SLC25A48: variants seen among roughly 807,000 people sequenced by gnomAD.
SLC25A48 encodes CTC-321K16.1.
In SLC25A48, 29 loss-of-function variants were observed where a neutral mutation model predicts 32.2. The ratio of observed to expected loss-of-function variants is 0.90; its 90% CI spans 0.67 to 1.23. The LOEUF is 1.23. Ranked by LOEUF, SLC25A48 falls within the 50% of genes most tolerant of loss-of-function variation. SLC25A48 has a pLI of 0.00. For missense variants in SLC25A48, 399 were observed against 422.7 expected (o/e 0.94, Z 0.49); for synonymous variants, 164 against 172.3 (o/e 0.95, Z 0.38).
At position 135,778,350 on chromosome 5, in the gene SLC25A48, A is replaced by G. The variant is rs73789157; in HGVS notation, c.-520-34173A>G. Reference sequence around the variant, plus strand: ...GGGAGAAGGTGATATTACTCCCAATATCGCAGAAGATGTACACCCCCGATG... The same window carrying G: ...GGGAGAAGGTGATATTACTCCCAATGTCGCAGAAGATGTACACCCCCGATG... On this transcript the variant is annotated intron_variant, in intron 3 of 10. Transcript: ENST00000646290. Among the ~76,000 whole-genome samples the G allele has an allele frequency of 9.7e-3, 1,470 of 151,348 alleles. 32 individuals are homozygous for G. The highest frequency in any genetic ancestry group is 0.034 in the African/African-American group (1,386 of 41,264).
At position 135,746,533 on chromosome 5, in the gene SLC25A48, C is replaced by T. The variant is rs531452161; in HGVS notation, c.-520-65990C>T. Among the ~76,000 whole-genome samples the T allele has an allele frequency of 6.6e-5, 10 of 152,288 alleles. No homozygotes were observed. In the South Asian group the frequency reaches 1.5e-3, roughly 22 times the overall value. On this transcript the variant is annotated intron_variant, in intron 3 of 10. Coordinates refer to the SLC25A48 transcript ENST00000646290. The stretch of plus-strand genomic sequence containing the variant: ...GCCTTGCAGGTACAATCCGATTCTC[C>T]GGTGCAAAATAAGTCTCCAAAAGAG...
intron 3 of SLC25A48, among the ~76,000 whole-genome samples, chr5:135,770,666 G>A (rs140387048): frequency 6.6e-6 from 1 of 151,046 alleles, no homozygotes; most frequent in Non-Finnish European, 1.5e-5. Flanking sequence ...ACCCCCTCGC[G>A]ATATTGTTTC....
At chr5:135,676,414 T>G (rs1226956858) in intron 3 of SLC25A48, among the ~76,000 whole-genome samples, 2 of 151,926 alleles carry the variant, frequency 1.3e-5, no homozygotes, top group African/African-American at 4.8e-5. Context: ...CAATTTTGTC[T>G]TTTCAAAAAA....
At chr5:135,887,478 A>C (rs939222416) in intron 7 of SLC25A48, among the ~76,000 whole-genome samples, 1 of 151,142 alleles carries the variant, frequency 6.6e-6, no homozygotes. Context: ...GTGTACATAT[A>C]CACACACACA....
intron 3 of SLC25A48, among the ~76,000 whole-genome samples, chr5:135,771,223 G>T (rs562547336): frequency 1.3e-4 from 20 of 151,372 alleles, no homozygotes; most frequent in Admixed American, 2.6e-4. Flanking sequence ...GGGGGAGAAG[G>T]TGATATTACT....
chr5:135,732,932 C>T (rs1755264919), intron 3 of SLC25A48, among the ~76,000 whole-genome samples: 1 of 152,160 alleles, frequency 6.6e-6, no homozygotes, highest in Non-Finnish European at 1.5e-5. Context: ...ATGGCTCTTG[C>T]AGTGAATGAC....
chr5:135,858,692 G>A (rs1214602791), intron 4 of SLC25A48, among the ~76,000 whole-genome samples: 2 of 152,232 alleles, frequency 1.3e-5, no homozygotes, highest in Non-Finnish European at 2.9e-5. Context: ...TGTAGAAGCT[G>A]AGGTTATGAC....
At chr5:135,684,059 A>G (rs1474761167) in intron 3 of SLC25A48, among the ~76,000 whole-genome samples, 1 of 152,160 alleles carries the variant, frequency 6.6e-6, no homozygotes, top group Non-Finnish European at 1.5e-5. Context: ...TTCCACCTTC[A>G]CTTTTTAAAG....
chr5:135,743,128 C>T (rs1208082566), intron 3 of SLC25A48, among the ~76,000 whole-genome samples: 1 of 112,824 alleles, frequency 8.9e-6, no homozygotes, highest in East Asian at 2.9e-4. Flanking sequence ...GGCTGGAGTA[C>T]AGTGGCATGA....
intron 3 of SLC25A48, among the ~76,000 whole-genome samples, chr5:135,723,997 T>C (rs1251440188): frequency 6.6e-6 from 1 of 152,212 alleles, no homozygotes; most frequent in African/African-American, 2.4e-5. Flanking sequence ...TCTCTACTTA[T>C]TTAAATAAGT....
chr5:135,698,863 AC>A (rs1286293487), intron 3 of SLC25A48, among the ~76,000 whole-genome samples: 5 of 152,240 alleles, frequency 3.3e-5, no homozygotes, highest in Admixed American at 6.5e-5. Flanking sequence ...AAAAGGACAA[AC>A]AAGTTAATTT....
chr5:135,861,559 G>A (rs1031193598), intron 4 of SLC25A48, among the ~76,000 whole-genome samples: 8 of 152,084 alleles, frequency 5.3e-5, no homozygotes, highest in Non-Finnish European at 1.0e-4. Flanking sequence ...CACAATGTCT[G>A]GCATATAGAA....
At chr5:135,659,719 G>A (rs1005645341) in intron 3 of SLC25A48, among the ~76,000 whole-genome samples, 8 of 152,232 alleles carry the variant, frequency 5.3e-5, no homozygotes, top group Admixed American at 2.6e-4. Context: ...CAGGAAGCAT[G>A]CCTGGGGAAG....
chr5:135,736,571 C>T (rs569370384), intron 3 of SLC25A48, among the ~76,000 whole-genome samples: 3 of 151,672 alleles, frequency 2.0e-5, no homozygotes, highest in South Asian at 2.1e-4. Flanking sequence ...CTAAGAAAAG[C>T]GGAAAAGGGG....
At chr5:135,749,986 C>CT (rs1755732044) in intron 3 of SLC25A48, among the ~76,000 whole-genome samples, 1 of 152,274 alleles carries the variant, frequency 6.6e-6, no homozygotes, top group South Asian at 2.1e-4. Context: ...AGCTGATAGC[C>CT]CTGACACCAT....
intron 2 of SLC25A48, chr5:135,634,683 G>A (rs31260): frequency 0.27 from 41,587 of 152,114 alleles, 6,229 homozygotes; most frequent in East Asian, 0.62. Context: ...TGGAGGAGAG[G>A]AGCTTGTTTG....
chr5:135,758,037 T>C (rs965305317), intron 3 of SLC25A48, among the ~76,000 whole-genome samples: 2 of 150,652 alleles, frequency 1.3e-5, no homozygotes, highest in African/African-American at 4.8e-5. Context: ...ATGATATTTA[T>C]AGAATATCAT....
intron 1 of SLC25A48, among the ~76,000 whole-genome samples, chr5:135,618,690 A>G (rs1248207942): frequency 1.3e-5 from 2 of 152,120 alleles, no homozygotes; most frequent in African/African-American, 2.4e-5. Context: ...TCCAGTGGTG[A>G]TGAATTTCCT....
chr5:135,747,916 G>C (rs1580837662), intron 3 of SLC25A48, among the ~76,000 whole-genome samples: 1 of 152,180 alleles, frequency 6.6e-6, no homozygotes, highest in South Asian at 2.1e-4. Context: ...AAGGTCACAC[G>C]ACTGGTGGCA....
Sources: gnomAD v4.1 joint callset for allele counts (sites outside exome capture counted in the v4.1 genomes callset) on GRCh38, gnomAD v4.1.1 for gene constraint, MANE v1.5 for transcripts, NCBI Gene and HGNC (gene_info 2026-07-23, HGNC 2026-07-21) for gene names.